The following SHTN1 variants were observed in gnomAD, a reference collection of about 807,000 sequenced individuals.
The protein encoded by SHTN1 is shootin-1.
SHTN1 carries 42 observed loss-of-function variants against 83.1 expected under a neutral mutation model. The observed-to-expected ratio is 0.51, with a 90% CI of 0.39 to 0.65. The LOEUF (loss-of-function observed/expected upper bound fraction) is 0.65, where lower values mean the gene tolerates loss of function less well. Among genes scored for constraint, SHTN1 ranks in the 30% least tolerant of loss-of-function variants. The probability of loss-of-function intolerance (pLI) is 0.00; values close to 1 mark genes in which losing one functional copy is unlikely to be tolerated. For missense variants in SHTN1, 622 were observed against 737.8 expected (o/e 0.84, Z 1.82); for synonymous variants, 224 against 247.7 (o/e 0.90, Z 0.90).
intron 16 of SHTN1, among the ~76,000 whole-genome samples, chr10:116,889,667 C>G (rs1434964529): frequency 6.6e-6 from 1 of 152,214 alleles, no homozygotes; most frequent in Non-Finnish European, 1.5e-5. Flanking sequence ...TCCTGTCTCC[C>G]TGTTTCTGCC....
At chr10:117,122,300 C>T (rs1853941481) in intron 1 of SHTN1, among the ~76,000 whole-genome samples, 1 of 152,144 alleles carries the variant, frequency 6.6e-6, no homozygotes, top group Non-Finnish European at 1.5e-5. Context: ...CCAACTCAAC[C>T]TCCCGTATAG....
intron 2 of SHTN1, chr10:116,973,826 A>G (rs1432889004): frequency 1.6e-6 from 2 of 1,222,302 alleles, no homozygotes; most frequent in East Asian, 1.1e-4. Context: ...CATGCCCAGC[A>G]TCAGAATTGT....
At chr10:116,926,961 A>G (rs944049467) in intron 11 of SHTN1, among the ~76,000 whole-genome samples, 1 of 152,196 alleles carries the variant, frequency 6.6e-6, no homozygotes, top group African/African-American at 2.4e-5. Context: ...TTCAGAAAAT[A>G]CGAATTCCTG....
At chr10:116,973,019 G>C (rs997765589) in intron 2 of SHTN1, among the ~76,000 whole-genome samples, 1 of 152,148 alleles carries the variant, frequency 6.6e-6, no homozygotes, top group Non-Finnish European at 1.5e-5. Flanking sequence ...AGACTGATTT[G>C]TAGAGAAACA....
chr10:117,080,972 A>G (rs368010810), intron 1 of SHTN1, among the ~76,000 whole-genome samples: 2 of 150,980 alleles, frequency 1.3e-5, no homozygotes, highest in Non-Finnish European at 2.9e-5. Flanking sequence ...CAATCATGTC[A>G]TCTGCAAACA....
chr10:116,948,999 T>C lies in SHTN1; in HGVS notation c.535-2A>G. 1.9e-6 allele frequency: 3 copies of C among 1,548,692 alleles called. No individual in the cohort carries two copies. Among genetic ancestry groups the C allele is most frequent in the Non-Finnish European group, 2.6e-6 (3 of 1,148,048 alleles). ...CTTTTCTTGTTTAACTTTATTTACC[T>C]AAAAATGTGAAATTTTGAGGGGAGA... On this transcript the variant is annotated splice_acceptor_variant, in intron 6 of 16. Transcript: ENST00000355371. LOFTEE classifies it high-confidence loss of function.
chr10:116,965,430 T>C (rs1260849107), intron 3 of SHTN1, among the ~76,000 whole-genome samples: 1 of 152,176 alleles, frequency 6.6e-6, no homozygotes. Flanking sequence ...GGCACAAGAA[T>C]TGCTTGAATC....
intron 10 of SHTN1, among the ~76,000 whole-genome samples, chr10:116,928,521 G>A (rs1848827315): frequency 6.6e-6 from 1 of 152,192 alleles, no homozygotes; most frequent in South Asian, 2.1e-4. Flanking sequence ...GGTGCTACAG[G>A]AGACGTAACA....
At chr10:117,000,442 C>T (rs967734650) in intron 1 of SHTN1, among the ~76,000 whole-genome samples, 1 of 152,168 alleles carries the variant, frequency 6.6e-6, no homozygotes, top group Non-Finnish European at 1.5e-5. Context: ...GATACTAACT[C>T]TAAAGGTGAA....
chr10:117,095,152 C>T (rs1354263306), intron 1 of SHTN1, among the ~76,000 whole-genome samples: 1 of 152,180 alleles, frequency 6.6e-6, no homozygotes, highest in Non-Finnish European at 1.5e-5. Flanking sequence ...CTGCCCCACA[C>T]TAAAGCTTAG....
intron 1 of SHTN1, among the ~76,000 whole-genome samples, chr10:117,087,839 C>G (rs1431920947): frequency 6.6e-6 from 1 of 152,134 alleles, no homozygotes. Context: ...AAAAACTTGA[C>G]TGGGTATAGT....
intron 1 of SHTN1, among the ~76,000 whole-genome samples, chr10:116,986,089 A>G (rs1351278371): frequency 1.3e-5 from 2 of 152,214 alleles, no homozygotes; most frequent in Admixed American, 6.5e-5. Flanking sequence ...CTCTCAACAA[A>G]CTACATTAAT....
intron 2 of SHTN1, among the ~76,000 whole-genome samples, chr10:117,014,898 T>G (rs187882379): frequency 7.9e-4 from 121 of 152,322 alleles, no homozygotes; most frequent in African/African-American, 2.6e-3. Flanking sequence ...CACCTAAAGT[T>G]TGTGAACATA....
chr10:117,073,583 G>T (rs905423173), intron 1 of SHTN1, among the ~76,000 whole-genome samples: 1 of 152,164 alleles, frequency 6.6e-6, no homozygotes, highest in Non-Finnish European at 1.5e-5. Flanking sequence ...TGCCACTTTT[G>T]CATTTCATTG....
chr10:117,116,170 G>A lies in SHTN1; in HGVS notation c.-189+10137C>T, dbSNP rs181481497. Among the ~76,000 whole-genome samples, 518 of 151,160 alleles carry A rather than the reference G, an allele frequency of 3.4e-3. 1 individual carries two copies. The highest frequency in any genetic ancestry group is 5.5e-3 in the Admixed American group (83 of 15,176). The stretch of plus-strand genomic sequence containing the variant: ...ATAAGCAAAAATTGACAAACCTTTA[G>A]GTAGATTGAGAAAAAAAAAAGAGAA... On this transcript the variant is annotated intron_variant, in intron 1 of 17. Transcript: ENST00000392901.
intron 1 of SHTN1, among the ~76,000 whole-genome samples, chr10:117,076,565 AC>A (rs5788208): frequency 0.2 from 29,779 of 152,106 alleles, 3,184 homozygotes; most frequent in East Asian, 0.43. Context: ...ACATATGTAT[AC>A]CATAATTCCA....
intron 11 of SHTN1, among the ~76,000 whole-genome samples, chr10:116,924,669 G>A (rs1375818588): frequency 2.0e-5 from 3 of 150,046 alleles, no homozygotes; most frequent in African/African-American, 7.4e-5. Flanking sequence ...CCATTTCACT[G>A]TCATTTCAAT....
chr10:117,087,920 T>C (rs1853373444), intron 1 of SHTN1, among the ~76,000 whole-genome samples: 2 of 152,260 alleles, frequency 1.3e-5, no homozygotes, highest in Admixed American at 6.5e-5. Context: ...CTGGGCAACA[T>C]AGCAAGACCT....
upstream of SHTN1, among the ~76,000 whole-genome samples, chr10:117,008,884 C>T (rs1852060235): frequency 6.6e-6 from 1 of 152,160 alleles, no homozygotes; most frequent in Admixed American, 6.5e-5. Flanking sequence ...GAGGCCAGGG[C>T]GGGTGGATCA....
Sources: gnomAD v4.1 joint callset for allele counts (sites outside exome capture counted in the v4.1 genomes callset) on GRCh38, gnomAD v4.1.1 for gene constraint, MANE v1.5 for transcripts, NCBI Gene and HGNC (gene_info 2026-07-23, HGNC 2026-07-21) for gene names.